AKAP6: variants seen among roughly 807,000 people sequenced by gnomAD.
AKAP6 encodes the protein A-kinase anchor protein 6.
In AKAP6, 58 loss-of-function variants were observed where a neutral mutation model predicts 188.5. That is an observed-to-expected ratio of 0.31 (90% CI 0.25 to 0.38). The LOEUF is 0.38. Ranked by LOEUF, AKAP6 falls within the 10% of genes least tolerant of loss-of-function variation. The pLI is 1.00. For missense variants in AKAP6, 2,710 were observed against 2,740.0 expected, an observed-to-expected ratio of 0.99 and a Z score of 0.24; for synonymous variants, 989 against 998.6, an observed-to-expected ratio of 0.99 and a Z score of 0.18.
At chr14:32,748,728 G>T (rs970942811) in intron 11 of AKAP6, among the ~76,000 whole-genome samples, 2 of 152,118 alleles carry the variant, frequency 1.3e-5, no homozygotes, top group Admixed American at 6.6e-5. Flanking sequence ...CCTTTGACCT[G>T]GGAAGGAAGA....
intron 1 of AKAP6, among the ~76,000 whole-genome samples, chr14:32,346,029 A>T (rs1487644979): frequency 6.6e-6 from 1 of 152,174 alleles, no homozygotes; most frequent in Non-Finnish European, 1.5e-5. Flanking sequence ...TTAAAATAAA[A>T]ATTAAACAGA....
intron 2 of AKAP6, among the ~76,000 whole-genome samples, chr14:32,493,898 T>G (rs1476200145): frequency 6.6e-6 from 1 of 152,082 alleles, no homozygotes; most frequent in Non-Finnish European, 1.5e-5. Context: ...CATTAAGATG[T>G]CAGGCAGAGG....
intron 1 of AKAP6, among the ~76,000 whole-genome samples, chr14:32,428,926 A>G (rs1890127087): frequency 6.6e-6 from 1 of 152,224 alleles, no homozygotes; most frequent in Admixed American, 6.5e-5. Context: ...TTGCACTTTA[A>G]TTATTGCCTC....
intron 2 of AKAP6, among the ~76,000 whole-genome samples, chr14:32,524,665 A>C (rs564121773): frequency 2.2e-4 from 34 of 152,200 alleles, no homozygotes; most frequent in Non-Finnish European, 4.0e-4. Flanking sequence ...TTTCTGGCGC[A>C]CAAAGAATGT....
rs10133509 is a variant in AKAP6 at position 32,524,487 on chromosome 14, T to C, written c.325-11067T>C. Among the ~76,000 whole-genome samples the C allele has an allele frequency of 9.0e-3, 1,374 of 152,158 alleles. 22 individuals are homozygous for C. Among genetic ancestry groups the C allele is most frequent in the African/African-American group, 0.029 (1,206 of 41,510 alleles). On this transcript the variant is annotated intron_variant, in intron 2 of 13. Transcript: ENST00000280979. ...TATACATATATATTACATACATATA[T>C]TAAATATATTTATTTGTGTGTGTGA...
chr14:32,703,044 C>T (rs1890679808), intron 9 of AKAP6, among the ~76,000 whole-genome samples: 2 of 152,112 alleles, frequency 1.3e-5, no homozygotes, highest in African/African-American at 4.8e-5. Flanking sequence ...ACTAATGCTA[C>T]AACCTATGGA....
At chr14:32,335,842 CTT>C (rs375076849) in intron 1 of AKAP6, among the ~76,000 whole-genome samples, 1,674 of 93,940 alleles carry the variant, frequency 0.018, 38 homozygotes, top group African/African-American at 0.062. Context: ...TCCTTTTCTC[CTT>C]TTTTTTTTTT....
At chr14:32,478,668 T>C (rs1001485064) in intron 2 of AKAP6, among the ~76,000 whole-genome samples, 8 of 152,194 alleles carry the variant, frequency 5.3e-5, no homozygotes, top group South Asian at 2.1e-4. Flanking sequence ...AACATTCAGG[T>C]TGATTTTATA....
rs2034528761 is a variant in AKAP6 at position 32,821,831 on chromosome 14, C to G, written c.4018C>G (p.Leu1340Val). The G allele has an allele frequency of 6.2e-7, 1 of 1,613,796 alleles. No individual in the cohort carries two copies. The highest frequency in any genetic ancestry group is 8.5e-7 in the Non-Finnish European group (1 of 1,179,936). The change falls in exon 13 of 14, where the codon CTA (leucine) becomes GTA (valine). Residue 1340 changes from leucine (L) to valine (V), a missense_variant. Transcript: ENST00000280979. ...ATCTACCAAATCTTTGCCAGATCTT[C>G]TAGGTGGTTCCAATTTGGTAAAGCC... Reference protein sequence around the residue: ...FSSTKSLPDLLGGSNLVKPCA... With the variant: ...FSSTKSLPDLVGGSNLVKPCA...
intron 2 of AKAP6, among the ~76,000 whole-genome samples, chr14:32,512,679 C>T (rs910310219): frequency 3.9e-5 from 6 of 152,070 alleles, no homozygotes; most frequent in African/African-American, 7.2e-5. Context: ...TATTGGAATT[C>T]GATAACTTTA....
At chr14:32,422,398 A>G (rs1889878388) in intron 1 of AKAP6, among the ~76,000 whole-genome samples, 1 of 152,204 alleles carries the variant, frequency 6.6e-6, no homozygotes, top group African/African-American at 2.4e-5. Context: ...GTTTTATTGT[A>G]GCAAAAGGAT....
At chr14:32,814,497 T>C (rs1017493743) in intron 12 of AKAP6, among the ~76,000 whole-genome samples, 3 of 152,200 alleles carry the variant, frequency 2.0e-5, no homozygotes, top group Non-Finnish European at 4.4e-5. Flanking sequence ...AATGGAATCA[T>C]ACAATATATG....
chr14:32,635,203 G>T (rs190772321), intron 7 of AKAP6, among the ~76,000 whole-genome samples: 1 of 152,124 alleles, frequency 6.6e-6, no homozygotes, highest in Admixed American at 6.6e-5. Flanking sequence ...GAAACTCTGG[G>T]AATCAATTTA....
At chr14:32,486,986 G>A (rs545615792) in intron 2 of AKAP6, among the ~76,000 whole-genome samples, 54 of 152,178 alleles carry the variant, frequency 3.5e-4, no homozygotes, top group African/African-American at 9.9e-4. Flanking sequence ...TGTGAGAAAT[G>A]CTCCATCAAT....
At chr14:32,664,057 C>A (rs945523661) in intron 7 of AKAP6, among the ~76,000 whole-genome samples, 1 of 151,854 alleles carries the variant, frequency 6.6e-6, no homozygotes, top group Non-Finnish European at 1.5e-5. Context: ...CTGAGATAAG[C>A]AAAAGTGAGA....
At chr14:32,330,718 T>C (rs919731564) in intron 1 of AKAP6, among the ~76,000 whole-genome samples, 7 of 137,338 alleles carry the variant, frequency 5.1e-5, no homozygotes, top group Non-Finnish European at 9.6e-5. Flanking sequence ...GAGTGATTTT[T>C]TTTTTTTTTT....
At chr14:32,548,575 T>C (rs1468614755) in intron 4 of AKAP6, among the ~76,000 whole-genome samples, 1 of 151,316 alleles carries the variant, frequency 6.6e-6, no homozygotes, top group Non-Finnish European at 1.5e-5. Context: ...GATAGATAGA[T>C]AGATAGATAG....
intron 3 of AKAP6, among the ~76,000 whole-genome samples, chr14:32,540,162 C>CTATATATA (rs1473909094): frequency 9.5e-6 from 1 of 105,240 alleles, no homozygotes; most frequent in Non-Finnish European, 1.8e-5. Flanking sequence ...CTCTCTCTCT[C>CTATATATA]TCTCTCTATA....
chr14:32,339,319 G>T (rs1457047376), intron 1 of AKAP6, among the ~76,000 whole-genome samples: 1 of 152,134 alleles, frequency 6.6e-6, no homozygotes, highest in African/African-American at 2.4e-5. Context: ...CCTTTTCAAG[G>T]TATAAACACC....
Sources: gnomAD v4.1 joint callset for allele counts (sites outside exome capture counted in the v4.1 genomes callset) on GRCh38, gnomAD v4.1.1 for gene constraint, MANE v1.5 for transcripts, NCBI Gene and HGNC (gene_info 2026-07-23, HGNC 2026-07-21) for gene names.